Variants in CCBE1 observed in about 807,000 individuals in gnomAD.
CCBE1 encodes collagen and calcium binding EGF domains 1.
In CCBE1, 37 loss-of-function variants were observed where a neutral mutation model predicts 50.0. That is an observed-to-expected ratio of 0.74 (90% CI 0.57 to 0.97). The LOEUF (loss-of-function observed/expected upper bound fraction) is 0.97, where lower values mean the gene tolerates loss of function less well. CCBE1 is among the 50% of genes least tolerant of loss of function. The probability of loss-of-function intolerance (pLI) is 0.00; values close to 1 mark genes in which losing one functional copy is unlikely to be tolerated. For synonymous variants in CCBE1, 234 were observed against 203.7 expected (o/e 1.15, Z -1.27); for missense variants, 538 against 523.8 (o/e 1.03, Z -0.26).
At chr18:59,528,514 A>T (rs1914917933) in intron 2 of CCBE1, among the ~76,000 whole-genome samples, 1 of 152,124 alleles carries the variant, frequency 6.6e-6, no homozygotes, top group Non-Finnish European at 1.5e-5. Context: ...CTTGCTGGAG[A>T]GGAGTTGCAA....
At chr18:59,533,850 T>G (rs1915141599) in intron 2 of CCBE1, among the ~76,000 whole-genome samples, 1 of 152,248 alleles carries the variant, frequency 6.6e-6, no homozygotes, top group African/African-American at 2.4e-5. Flanking sequence ...GCATATAATT[T>G]ATATATTCAT....
intron 2 of CCBE1, among the ~76,000 whole-genome samples, chr18:59,547,229 C>T (rs1188492265): frequency 6.6e-6 from 1 of 151,822 alleles, no homozygotes; most frequent in Non-Finnish European, 1.5e-5. Flanking sequence ...CTAAGGCGGG[C>T]AGATCACCTG....
Position 59,591,115 on chromosome 18 carries a change from G to A in CCBE1, c.212+105514C>T, listed in dbSNP as rs1378113265. Among the ~76,000 whole-genome samples, 4 of 88,340 alleles carry A rather than the reference G, an allele frequency of 4.5e-5. 1 individual carries two copies. The highest frequency in any genetic ancestry group is 8.0e-5 in the Non-Finnish European group (4 of 49,854). The allele number at this position is 88,340 out of a possible 152,430, so 58.0% of individuals were successfully genotyped here. ...AAAAAAATTAGCCGGGCGTGATGGT[G>A]GGCGCCTGTAGTCCCAGCTACTCGG... On this transcript the variant is annotated intron_variant, in intron 2 of 10. Coordinates refer to ENST00000439986, the MANE Select transcript of CCBE1 (RefSeq NM_133459.4).
chr18:59,519,031 C>G (rs11872784), intron 2 of CCBE1, among the ~76,000 whole-genome samples: 16,725 of 152,196 alleles, frequency 0.11, 3,078 homozygotes, highest in African/African-American at 0.38. Context: ...TCACTTTCCC[C>G]CAAGTGCTCC....
chr18:59,490,043 G>A (rs1202900858), intron 2 of CCBE1, among the ~76,000 whole-genome samples: 1 of 143,000 alleles, frequency 7.0e-6, no homozygotes, highest in Non-Finnish European at 1.5e-5. Context: ...CTGGAGTGCA[G>A]TGGCGTGATC....
chr18:59,671,131 TG>T (rs2054424000), intron 2 of CCBE1, among the ~76,000 whole-genome samples: 1 of 152,060 alleles, frequency 6.6e-6, no homozygotes, highest in Admixed American at 6.6e-5. Flanking sequence ...TCACTGGGTT[TG>T]GGGAAAGGGA....
At chr18:59,523,508 T>C (rs1428335635) in intron 2 of CCBE1, among the ~76,000 whole-genome samples, 1 of 152,122 alleles carries the variant, frequency 6.6e-6, no homozygotes, top group African/African-American at 2.4e-5. Flanking sequence ...GCATATAAGA[T>C]GCTTAACAGT....
intron 2 of CCBE1, among the ~76,000 whole-genome samples, chr18:59,695,429 AC>A (rs996513142): frequency 6.6e-6 from 1 of 151,680 alleles, no homozygotes; most frequent in Non-Finnish European, 1.5e-5. Context: ...TTCAGCATTC[AC>A]CCCCCGCACA....
intron 2 of CCBE1, among the ~76,000 whole-genome samples, chr18:59,558,273 T>G (rs1344376382): frequency 1.3e-5 from 2 of 152,234 alleles, no homozygotes; most frequent in African/African-American, 4.8e-5. Context: ...TTGAGGTTGT[T>G]GAAAGTGTGA....
chr18:59,518,186 A>T (rs1365192986), intron 2 of CCBE1, among the ~76,000 whole-genome samples: 1 of 152,134 alleles, frequency 6.6e-6, no homozygotes. Flanking sequence ...ATGTTAAAGT[A>T]ATGATTAAGA....
At chr18:59,630,292 T>C (rs1465634553) in intron 2 of CCBE1, among the ~76,000 whole-genome samples, 1 of 151,974 alleles carries the variant, frequency 6.6e-6, no homozygotes, top group African/African-American at 2.4e-5. Flanking sequence ...AAAAGTCATT[T>C]AATCTTCCTT....
At chr18:59,453,287 G>T (rs527959687) in intron 6 of CCBE1, among the ~76,000 whole-genome samples, 2 of 152,318 alleles carry the variant, frequency 1.3e-5, no homozygotes, top group East Asian at 3.9e-4. Flanking sequence ...CTTATGAAAT[G>T]CAAACTTACT....
intron 6 of CCBE1, among the ~76,000 whole-genome samples, chr18:59,450,634 A>G (rs7231575): frequency 2.0e-5 from 3 of 152,196 alleles, no homozygotes; most frequent in Admixed American, 1.3e-4. Context: ...CCCAGGTTCA[A>G]GTGATTCTCC....
chr18:59,664,760 G>C (rs1453558429), intron 2 of CCBE1, among the ~76,000 whole-genome samples: 1 of 152,162 alleles, frequency 6.6e-6, no homozygotes, highest in Non-Finnish European at 1.5e-5. Flanking sequence ...TTCAGGGCAA[G>C]AGATAAGCTG....
At chr18:59,567,908 T>C (rs142577348) in intron 2 of CCBE1, among the ~76,000 whole-genome samples, 3 of 152,370 alleles carry the variant, frequency 2.0e-5, no homozygotes, top group Non-Finnish European at 2.9e-5. Context: ...ATCCCTTTCC[T>C]AATGCTATTT....
intron 2 of CCBE1, among the ~76,000 whole-genome samples, chr18:59,555,012 A>T (rs1304810900): frequency 1.3e-5 from 2 of 152,192 alleles, no homozygotes; most frequent in Admixed American, 1.3e-4. Context: ...AGGGGACATG[A>T]TTCCTTAGAT....
rs1489080717 is a variant in CCBE1, at chr18:59,475,046, A to C, written c.265+5140T>G. 3.9e-5 allele frequency among the ~76,000 whole-genome samples: 6 copies of C among 152,102 alleles called. No homozygotes were observed. In the East Asian group the frequency reaches 5.8e-4, roughly 15 times the overall value. ...GCCCATTTTGTGCATTTTCTGGAGG[A>C]GGCAAGATTAATGAATTTATTCAGT... On this transcript the variant is annotated intron_variant, in intron 3 of 10. Coordinates refer to ENST00000439986, the MANE Select transcript of CCBE1 (RefSeq NM_133459.4).
Position 59,490,983 on chromosome 18 carries a change from G to A in CCBE1, c.213-10745C>T, listed in dbSNP as rs577545674. Among the ~76,000 whole-genome samples, 14 of 152,250 alleles carry A rather than the reference G, an allele frequency of 9.2e-5. No individual in the cohort carries two copies. In the East Asian group the frequency reaches 1.2e-3, roughly 13 times the overall value. On this transcript the variant is annotated intron_variant, in intron 2 of 10. Transcript: ENST00000439986. ...CTGGAGGTCATTGTCCGGAGACAGC[G>A]CATGAAAGACTATTCCTTGGCAGCA...
chr18:59,630,127 G>A (rs2053832763), intron 2 of CCBE1, among the ~76,000 whole-genome samples: 1 of 152,296 alleles, frequency 6.6e-6, no homozygotes, highest in South Asian at 2.1e-4. Flanking sequence ...CAGCCACCAT[G>A]TGCGGCAAAG....
Sources: gnomAD v4.1 joint callset for allele counts (sites outside exome capture counted in the v4.1 genomes callset) on GRCh38, gnomAD v4.1.1 for gene constraint, MANE v1.5 for transcripts, NCBI Gene and HGNC (gene_info 2026-07-23, HGNC 2026-07-21) for gene names.